Variants in GOLIM4 observed in about 807,000 individuals in gnomAD.
GOLIM4 encodes the protein 130 kDa golgi-localized phosphoprotein.
Under a neutral mutation model 107.4 loss-of-function variants are expected in GOLIM4, and 71 were observed. That is an observed-to-expected ratio of 0.66 (90% CI 0.55 to 0.81). The LOEUF (loss-of-function observed/expected upper bound fraction) is 0.81. Among genes scored for constraint, GOLIM4 ranks in the 30% least tolerant of loss-of-function variants. The pLI is 0.00. For missense variants in GOLIM4, 830 were observed against 826.1 expected (o/e 1.00, Z -0.06); for synonymous variants, 327 against 294.8 (o/e 1.11, Z -1.12).
intron 14 of GOLIM4, among the ~76,000 whole-genome samples, chr3:168,023,676 C>G (rs1717835914): frequency 6.6e-6 from 1 of 152,178 alleles, no homozygotes; most frequent in Non-Finnish European, 1.5e-5. Flanking sequence ...AGCTCTGAAC[C>G]AGGGTTTTAA....
At chr3:168,044,789 C>G (rs371234851) in intron 4 of GOLIM4, 39 bp downstream of exon 4, 9 of 1,176,572 alleles carry the variant, frequency 7.6e-6, no homozygotes, top group Non-Finnish European at 9.9e-6. Flanking sequence ...TTAGTTAATC[C>G]TTTCTTTTAT....
chr3:168,071,191 C>G (rs1157078162), intron 1 of GOLIM4, among the ~76,000 whole-genome samples: 1 of 152,204 alleles, frequency 6.6e-6, no homozygotes, highest in Admixed American at 6.5e-5. Flanking sequence ...AAAGGGGAGT[C>G]ATGCTAAAGT....
At chr3:168,049,297 A>G (rs967109950) in intron 1 of GOLIM4, among the ~76,000 whole-genome samples, 3 of 152,236 alleles carry the variant, frequency 2.0e-5, no homozygotes, top group East Asian at 1.9e-4. Flanking sequence ...TAGACCAGAC[A>G]TAACAATTAA....
chr3:168,027,796 C>T lies in GOLIM4; in HGVS notation c.1555G>A (p.Asp519Asn). The T allele has an allele frequency of 6.2e-7, 1 of 1,613,530 alleles. No homozygotes were observed. Among genetic ancestry groups the T allele is most frequent in the African/African-American group, 1.3e-5 (1 of 75,002 alleles). The part of the protein sequence containing the change: ...DNQHQDEAEG[D>N]PGNRHEPREQ... ...CGAGGCTCATGTCTATTACCTGGAT[C>T]TCCTTCTGCTTCATCTTGGTGCTGG... is the stretch of plus-strand genomic sequence containing the variant. Residue 519 changes from aspartate (D) to asparagine (N), a missense_variant, in exon 12 of 16, where the codon GAT (aspartate) becomes AAT (asparagine). Transcript: ENST00000470487.
intron 1 of GOLIM4, among the ~76,000 whole-genome samples, chr3:168,075,151 CAG>C (rs2108282301): frequency 6.6e-6 from 1 of 151,936 alleles, no homozygotes; most frequent in Admixed American, 6.6e-5. Flanking sequence ...ATTAATAAAA[CAG>C]AGATGAGAAA....
chr3:168,022,972 A>G (rs1300740244), intron 14 of GOLIM4, among the ~76,000 whole-genome samples: 2 of 152,096 alleles, frequency 1.3e-5, no homozygotes, highest in African/African-American at 4.8e-5. Flanking sequence ...CTGTCTTAGC[A>G]CCATTTCTCC....
chr3:168,024,323 T>C (rs1717874391), intron 14 of GOLIM4, among the ~76,000 whole-genome samples: 1 of 152,254 alleles, frequency 6.6e-6, no homozygotes, highest in African/African-American at 2.4e-5. Context: ...ATGGATTCTA[T>C]TACCCTGCTT....
At chr3:168,013,917 A>C (rs112282627) in intron 14 of GOLIM4, among the ~76,000 whole-genome samples, 1 of 151,448 alleles carries the variant, frequency 6.6e-6, no homozygotes, top group African/African-American at 2.4e-5. Context: ...TATAGCACTG[A>C]ATGCCCACAA....
chr3:168,014,275 T>A (rs974396360), intron 14 of GOLIM4, among the ~76,000 whole-genome samples: 1 of 150,802 alleles, frequency 6.6e-6, no homozygotes, highest in Admixed American at 6.6e-5. Context: ...TACACAAATA[T>A]ACTAGAAAAT....
At chr3:168,026,695 CAT>C (rs1406918422) in intron 12 of GOLIM4, among the ~76,000 whole-genome samples, 1 of 152,204 alleles carries the variant, frequency 6.6e-6, no homozygotes, top group Non-Finnish European at 1.5e-5. Flanking sequence ...CTTGCTCTCT[CAT>C]ATGTTTCTGC....
chr3:168,092,082 G>A lies in GOLIM4; in HGVS notation c.187+3017C>T, dbSNP rs368213093. ...ATTTAATTGGTCTGGGAGCCACCAG[G>A]TGATACTAATGGGCAGTCTAGACTG... is the stretch of plus-strand genomic sequence containing the variant. On this transcript the variant is annotated intron_variant, in intron 1 of 15. Transcript: ENST00000470487. Among the ~76,000 whole-genome samples, 142 of 152,304 alleles carry A rather than the reference G, an allele frequency of 9.3e-4. 1 individual carries two copies. Among genetic ancestry groups the A allele is most frequent in the African/African-American group, 3.2e-3 (131 of 41,568 alleles).
rs371873077 is a variant in GOLIM4 at position 168,036,409 on chromosome 3, C to T, written c.843+427G>A. Among the ~76,000 whole-genome samples the T allele has an allele frequency of 4.0e-3, 607 of 152,204 alleles. 2 individuals carry two copies. The highest frequency in any genetic ancestry group is 0.023 in the East Asian group (118 of 5,174). On this transcript the variant is annotated intron_variant, in intron 8 of 15. Transcript: ENST00000470487. Reference sequence around the variant, plus strand: ...TACAAAAATTAGCCAGGCGTGGTGGCGGGCGCCTATAATCCCAGCTACTCG... The same window carrying T: ...TACAAAAATTAGCCAGGCGTGGTGGTGGGCGCCTATAATCCCAGCTACTCG...
chr3:168,039,559 C>T (rs929255264), intron 7 of GOLIM4, among the ~76,000 whole-genome samples: 5 of 152,048 alleles, frequency 3.3e-5, no homozygotes, highest in African/African-American at 7.3e-5. Context: ...CCACGGTGCC[C>T]GGCCAAAATT....
chr3:168,093,453 T>C (rs1722007097), intron 1 of GOLIM4, among the ~76,000 whole-genome samples: 1 of 152,182 alleles, frequency 6.6e-6, no homozygotes, highest in Non-Finnish European at 1.5e-5. Flanking sequence ...TTTGCCCTCA[T>C]GGGACTCCTA....
chr3:168,078,213 C>A (rs1366773301), intron 1 of GOLIM4, among the ~76,000 whole-genome samples: 1 of 151,912 alleles, frequency 6.6e-6, no homozygotes, highest in African/African-American at 2.4e-5. Flanking sequence ...TAATTTAGAA[C>A]ATTGTTATTT....
At chr3:168,060,114 T>TC (rs1367402539) in intron 1 of GOLIM4, among the ~76,000 whole-genome samples, 4 of 151,688 alleles carry the variant, frequency 2.6e-5, no homozygotes, top group African/African-American at 7.3e-5. Flanking sequence ...TTTTTTTTTT[T>TC]CTTAGAGATG....
At chr3:168,040,720 A>G (rs1202834214) in intron 7 of GOLIM4, 66 bp downstream of exon 7, 10 of 1,002,662 alleles carry the variant, frequency 1.0e-5, no homozygotes, top group South Asian at 2.7e-5. Context: ...GACTACATGC[A>G]TAAAGGAATT....
intron 1 of GOLIM4, among the ~76,000 whole-genome samples, chr3:168,054,112 C>T (rs1204035265): frequency 1.3e-5 from 2 of 152,180 alleles, no homozygotes; most frequent in Non-Finnish European, 2.9e-5. Flanking sequence ...ACCATGAAAC[C>T]CAGATTTTAC....
chr3:168,035,795 A>C (rs1235369340), intron 8 of GOLIM4, among the ~76,000 whole-genome samples: 1 of 152,206 alleles, frequency 6.6e-6, no homozygotes, highest in Non-Finnish European at 1.5e-5. Context: ...AGTTTAAAAC[A>C]ACCACTTTGT....
Sources: gnomAD v4.1 joint callset for allele counts (sites outside exome capture counted in the v4.1 genomes callset) on GRCh38, gnomAD v4.1.1 for gene constraint, MANE v1.5 for transcripts, NCBI Gene and HGNC (gene_info 2026-07-23, HGNC 2026-07-21) for gene names.